ZNF362: variants seen among roughly 807,000 people sequenced by gnomAD.
ZNF362 encodes zinc finger protein 362.
Under a neutral mutation model 42.9 loss-of-function variants are expected in ZNF362, and 11 were observed. That is an observed-to-expected ratio of 0.26 (90% CI 0.16 to 0.42). The LOEUF (loss-of-function observed/expected upper bound fraction) is 0.42, where lower values mean the gene tolerates loss of function less well. Ranked by LOEUF, ZNF362 falls within the 20% of genes least tolerant of loss-of-function variation. The pLI is 1.00. For synonymous variants in ZNF362, 255 were observed against 257.3 expected (o/e 0.99, Z 0.09); for missense variants, 362 against 576.2 (o/e 0.63, Z 3.81).
At chr1:33,166,891 GT>G in the ZNF362 span, among the ~76,000 whole-genome samples, 1 of 152,096 alleles carries the variant, frequency 6.6e-6, no homozygotes, top group East Asian at 1.9e-4. Context: ...TTCATCGTGG[GT>G]TTTTTGCATT....
the ZNF362 span, among the ~76,000 whole-genome samples, chr1:33,138,487 C>A: frequency 6.6e-6 from 1 of 151,782 alleles, no homozygotes; most frequent in East Asian, 1.9e-4. Context: ...ATAGCGAGAC[C>A]CTGTCTCTGC....
chr1:33,299,696 C>T lies in ZNF362; in HGVS notation c.*650C>T, dbSNP rs1023537698. On this transcript the variant is annotated 3_prime_UTR_variant, in exon 9 of 9. Coordinates refer to ENST00000539719, the MANE Select transcript of ZNF362 (RefSeq NM_152493.3). Reference sequence around the variant, plus strand: ...AGAAACGAGAGGGGTGGGAGATCCACAGGACCAAAGGGTGCAGTGATGGGC... The same window carrying T: ...AGAAACGAGAGGGGTGGGAGATCCATAGGACCAAAGGGTGCAGTGATGGGC... 5 of 152,214 alleles carry T rather than the reference C, an allele frequency of 3.3e-5. No individual in the cohort carries two copies. The highest frequency in any genetic ancestry group is 1.2e-4 in the African/African-American group (5 of 41,068). 9.4% of individuals were successfully genotyped at this position (152,214 alleles called of 1,614,324 possible).
chr1:33,154,798 CAA>C, the ZNF362 span, among the ~76,000 whole-genome samples: 3 of 102,794 alleles, frequency 2.9e-5, no homozygotes. Flanking sequence ...ACTCCGTATC[CAA>C]AAAAAAAAAG....
At chr1:33,260,508 C>T (rs1442472949) in intron 1 of ZNF362, among the ~76,000 whole-genome samples, 1 of 152,242 alleles carries the variant, frequency 6.6e-6, no homozygotes, top group Non-Finnish European at 1.5e-5. Flanking sequence ...ACCACTTGCT[C>T]TAAAATAGCT....
At chr1:33,255,890 C>G (rs538935837), upstream of ZNF362, among the ~76,000 whole-genome samples, 570 of 152,114 alleles carry the variant, frequency 3.7e-3, 3 homozygotes, top group Non-Finnish European at 3.8e-3. Flanking sequence ...CCTGGCACCG[C>G]GCGGGCTCGG....
At chr1:33,220,117 G>A in the ZNF362 span, among the ~76,000 whole-genome samples, 1 of 152,242 alleles carries the variant, frequency 6.6e-6, no homozygotes, top group South Asian at 2.1e-4. Context: ...GCTGGGCCCA[G>A]GCCCCGGAGG....
At chr1:33,253,994 TTA>T (rs1369577092), upstream of ZNF362, among the ~76,000 whole-genome samples, 1 of 152,224 alleles carries the variant, frequency 6.6e-6, no homozygotes, top group African/African-American at 2.4e-5. Context: ...GAGTAATACC[TTA>T]TGTTACTATT....
At chr1:33,256,375 C>A (rs1399122249), upstream of ZNF362, among the ~76,000 whole-genome samples, 15 of 140,282 alleles carry the variant, frequency 1.1e-4, no homozygotes, top group African/African-American at 2.8e-4. Context: ...CCGACGCGGC[C>A]CCCCCGGAGC....
the ZNF362 span, among the ~76,000 whole-genome samples, chr1:33,170,614 C>T: frequency 1.5e-3 from 230 of 152,220 alleles, no homozygotes; most frequent in Middle Eastern, 6.8e-3. Flanking sequence ...GGCAGAGTTC[C>T]TTGGATGGGC....
chr1:33,146,558 A>G, the ZNF362 span: 1 of 159,882 alleles, frequency 6.3e-6, no homozygotes, highest in South Asian at 1.8e-4. Flanking sequence ...TGTGGACTCA[A>G]CTACCAGGTG....
chr1:33,199,628 T>C, the ZNF362 span, among the ~76,000 whole-genome samples: 12 of 152,352 alleles, frequency 7.9e-5, no homozygotes, highest in South Asian at 2.3e-3. Context: ...TAAAAAATAA[T>C]GCCTTTTAAA....
At chr1:33,214,244 G>GAA in the ZNF362 span, among the ~76,000 whole-genome samples, 3 of 152,204 alleles carry the variant, frequency 2.0e-5, no homozygotes, top group African/African-American at 7.2e-5. Flanking sequence ...ATTCACTGGG[G>GAA]AAAGGAAAGT....
intron 6 of ZNF362, among the ~76,000 whole-genome samples, chr1:33,285,521 A>G (rs1168607653): frequency 6.6e-6 from 1 of 152,194 alleles, no homozygotes; most frequent in Non-Finnish European, 1.5e-5. Flanking sequence ...CTAAATCTAG[A>G]GACAAAATCT....
At chr1:33,136,049 T>G in the ZNF362 span, among the ~76,000 whole-genome samples, 1 of 151,302 alleles carries the variant, frequency 6.6e-6, no homozygotes, top group South Asian at 2.1e-4. Flanking sequence ...AAACATGGCC[T>G]TCTCTTCTTG....
At chr1:33,263,901 C>T (rs1028382304) in intron 1 of ZNF362, among the ~76,000 whole-genome samples, 3 of 152,248 alleles carry the variant, frequency 2.0e-5, no homozygotes, top group East Asian at 1.9e-4. Flanking sequence ...GGCCTGTAGC[C>T]GGTCTTCCCT....
At chr1:33,265,634 G>A (rs1401428648) in intron 1 of ZNF362, among the ~76,000 whole-genome samples, 1 of 152,022 alleles carries the variant, frequency 6.6e-6, no homozygotes, top group Non-Finnish European at 1.5e-5. Context: ...AGGGCAGAGG[G>A]GCCATGGGAG....
At chr1:33,189,387 T>A in the ZNF362 span, among the ~76,000 whole-genome samples, 104 of 151,970 alleles carry the variant, frequency 6.8e-4, no homozygotes, top group Non-Finnish European at 5.9e-4. Flanking sequence ...ATGACAACGT[T>A]CCATGTCCAC....
chr1:33,213,286 G>A, the ZNF362 span, among the ~76,000 whole-genome samples: 1 of 152,016 alleles, frequency 6.6e-6, no homozygotes, highest in African/African-American at 2.4e-5. Context: ...GAGCCACTAC[G>A]CCCAGCCTGA....
chr1:33,148,781 A>T, the ZNF362 span, among the ~76,000 whole-genome samples: 338 of 152,336 alleles, frequency 2.2e-3, 2 homozygotes, highest in African/African-American at 7.8e-3. Flanking sequence ...TATGAAAAGT[A>T]GACAATGGGT....
Sources: allele counts gnomAD v4.1 joint callset (sites outside exome capture counted in the v4.1 genomes callset), GRCh38; gene constraint gnomAD v4.1.1; transcripts MANE v1.5; gene names NCBI Gene and HGNC (gene_info 2026-07-23, HGNC 2026-07-21).